The following C5AR1 variants were observed in gnomAD, a reference collection of about 807,000 sequenced individuals.
C5AR1 encodes complement C5a receptor 1.
Under a neutral mutation model 2.4 loss-of-function variants are expected in C5AR1, and 4 were observed. The ratio of observed to expected loss-of-function variants is 1.65; its 90% CI spans 0.81 to 3.77. The LOEUF (loss-of-function observed/expected upper bound fraction) is 3.77. Among genes scored for constraint, C5AR1 ranks in the 30% most tolerant of loss-of-function variants. The pLI is 0.01. For synonymous variants in C5AR1, 209 were observed against 210.4 expected (o/e 0.99, Z 0.06); for missense variants, 418 against 462.5 (o/e 0.90, Z 0.88).
rs34285755 is a variant in C5AR1, at chr19:47,321,194, TA to T, written c.*372del. On this transcript the variant is annotated 3_prime_UTR_variant, in exon 2 of 2. Transcript: ENST00000355085. ...ACAGACAAGTAGAAAGATTCTCGCT[TA>T]AAAAAAATGTATTTATTTTATGGCA... 0.99 allele frequency: 153,208 copies of T among 154,840 alleles called. 75,812 individuals are homozygous for T. The highest frequency in any genetic ancestry group is 1 in the East Asian group (5,210 of 5,210). The allele number at this position is 154,840 out of a possible 1,614,324, so 9.6% of individuals were successfully genotyped here.
At chr19:47,310,392 C>A (rs1336981365) in intron 1 of C5AR1, among the ~76,000 whole-genome samples, 1 of 151,968 alleles carries the variant, frequency 6.6e-6, no homozygotes, top group Non-Finnish European at 1.5e-5. Flanking sequence ...AAATCTAGAA[C>A]AGGCCTTCCA....
At position 47,320,073 on chromosome 19, in the gene C5AR1, A is replaced by T; in HGVS notation, c.296A>T (p.His99Leu). 2.5e-6 allele frequency: 4 copies of T among 1,614,174 alleles called. No individual in the cohort carries two copies. The highest frequency in any genetic ancestry group is 2.5e-6 in the Non-Finnish European group (3 of 1,180,036). Residue 99 changes from histidine to leucine, a missense_variant, in exon 2 of 2, where the codon CAT (histidine) becomes CTT (leucine). Coordinates refer to ENST00000355085, the MANE Select transcript of C5AR1 (RefSeq NM_001736.4). This position sits in a 1 kb window ranked among gnomAD's most constrained non-coding sequence, Gnocchi z 4.9. ...ATCTTGTTCACGTCCATTGTACAGC[A>T]TCACCACTGGCCCTTTGGCGGGGCC... ...LPILFTSIVQ[H>L]HHWPFGGAAC... is the part of the protein sequence containing the mutation.
At chr19:47,311,494 C>T (rs2059270408) in intron 1 of C5AR1, among the ~76,000 whole-genome samples, 1 of 151,034 alleles carries the variant, frequency 6.6e-6, no homozygotes, top group Admixed American at 6.6e-5. Context: ...GGCAACAGGG[C>T]CATCTCAAAA....
intron 1 of C5AR1, among the ~76,000 whole-genome samples, chr19:47,314,051 C>T (rs1287088869): frequency 2.0e-5 from 3 of 152,172 alleles, no homozygotes; most frequent in Non-Finnish European, 4.4e-5. Context: ...GCGGCCAGCA[C>T]CCTTGTCTAA....
chr19:47,320,260 G>C lies in C5AR1; in HGVS notation c.483G>C (p.Trp161Cys), dbSNP rs1599732525. Reference sequence around the variant, plus strand: ...CCTGGATCGCCTGTGCCGTGGCTTGGGGTTTAGCCCTGCTGCTGACCATAC... The same window carrying C: ...CCTGGATCGCCTGTGCCGTGGCTTGCGGTTTAGCCCTGCTGCTGACCATAC... The part of the protein sequence containing the change: ...GLAWIACAVA[W>C]GLALLLTIPS... The change falls in exon 2 of 2, where the codon TGG (tryptophan) becomes TGC (cysteine). Residue 161 changes from tryptophan to cysteine, a missense_variant. By Grantham distance (215) the Trp-to-Cys change is radical. Transcript: ENST00000355085. The surrounding 1 kb of genome is among the most constrained non-coding windows in gnomAD (Gnocchi z 4.9). 6.2e-7 allele frequency: 1 copy of C among 1,613,740 alleles called. No homozygotes were observed. The highest frequency in any genetic ancestry group is 2.2e-5 in the East Asian group (1 of 44,880).
At chr19:47,312,618 G>A (rs2059274414) in intron 1 of C5AR1, among the ~76,000 whole-genome samples, 2 of 152,242 alleles carry the variant, frequency 1.3e-5, no homozygotes, top group South Asian at 2.1e-4. Flanking sequence ...TTATTAACTA[G>A]CATTTATTGA....
Position 47,321,063 on chromosome 19 carries a change from C to A in C5AR1, c.*233C>A, listed in dbSNP as rs1485786154. 1.6e-5 allele frequency: 4 copies of A among 244,980 alleles called. No homozygotes were observed. Among genetic ancestry groups the A allele is most frequent in the Non-Finnish European group, 2.1e-5 (3 of 143,862 alleles). 15.2% of individuals were successfully genotyped at this position (244,980 alleles called of 1,614,324 possible). On this transcript the variant is annotated 3_prime_UTR_variant, in exon 2 of 2. Coordinates refer to ENST00000355085, the MANE Select transcript of C5AR1 (RefSeq NM_001736.4). ...GGAGCACCCTCCCACCCCCCACCCCCCCCACACACACCATCTTTCCATCCC... is the reference window on the plus strand; with the variant it reads ...GGAGCACCCTCCCACCCCCCACCCCACCCACACACACCATCTTTCCATCCC...
rs774711155 is a variant in C5AR1, at chr19:47,320,059, G to T, written c.282G>T (p.Thr94=). 2 of 1,614,170 alleles carry T rather than the reference G, an allele frequency of 1.2e-6. No homozygotes were observed. Among genetic ancestry groups the T allele is most frequent in the African/African-American group, 1.3e-5 (1 of 75,076 alleles). ...GCCTGGCGCTGCCCATCTTGTTCAC[G>T]TCCATTGTACAGCATCACCACTGGC... ...LSCLALPILF[T]SIVQHHHWPF... is the part of the protein sequence containing the mutation. Residue 94 remains threonine, a synonymous_variant, in exon 2 of 2, where the codon ACG becomes ACT. Transcript: ENST00000355085. The surrounding 1 kb of genome is among the most constrained non-coding windows in gnomAD (Gnocchi z 4.9).
In C5AR1 at chr19:47,321,024, A is replaced by G. The variant is rs202021565; in HGVS notation, c.*194A>G. The G allele has an allele frequency of 4.9e-4, 258 of 525,266 alleles. 4 individuals carry two copies. Among genetic ancestry groups the G allele is most frequent in the Non-Finnish European group, 1.6e-4 (46 of 296,292 alleles). The allele number at this position is 525,266 out of a possible 1,614,324, so 32.5% of individuals were successfully genotyped here. On this transcript the variant is annotated 3_prime_UTR_variant, in exon 2 of 2. Coordinates refer to ENST00000355085, the MANE Select transcript of C5AR1 (RefSeq NM_001736.4). ...TCATCCTTCCTCATTTGCAAGGTGAACACTTCCTTCTAGGGAGCACCCTCC... is the reference window on the plus strand; with the variant it reads ...TCATCCTTCCTCATTTGCAAGGTGAGCACTTCCTTCTAGGGAGCACCCTCC...
chr19:47,319,958 G>A lies in C5AR1; in HGVS notation c.181G>A (p.Val61Met). 1 of 1,614,232 alleles carries A rather than the reference G, an allele frequency of 6.2e-7. No homozygotes were observed. The highest frequency in any genetic ancestry group is 8.5e-7 in the Non-Finnish European group (1 of 1,180,050). ...GVLGNALVVW[V>M]TAFEAKRTIN... The stretch of plus-strand genomic sequence containing the variant: ...GCTGGGCAATGCCCTGGTGGTCTGG[G>A]TGACGGCATTCGAGGCCAAGCGGAC... The change falls in exon 2 of 2, where the codon GTG (valine) becomes ATG (methionine). Residue 61 changes from valine to methionine, a missense_variant. Physicochemically the swap from Val to Met is conservative, Grantham distance 21. Coordinates refer to ENST00000355085, the MANE Select transcript of C5AR1 (RefSeq NM_001736.4).
chr19:47,312,644 C>A (rs763827592), intron 1 of C5AR1, among the ~76,000 whole-genome samples: 6 of 152,108 alleles, frequency 3.9e-5, no homozygotes, highest in African/African-American at 7.2e-5. Context: ...TACTGCATAC[C>A]AGGCGTTGTA....
chr19:47,320,826 T>C lies in C5AR1; in HGVS notation c.1049T>C (p.Val350Ala). 1.2e-6 allele frequency: 2 copies of C among 1,604,764 alleles called. No homozygotes were observed. Among genetic ancestry groups the C allele is most frequent in the East Asian group, 2.2e-5 (1 of 44,652 alleles). Residue 350 changes from valine (V) to alanine (A), a missense_variant, in exon 2 of 2, where the codon GTG becomes GCG. By Grantham distance (64) the Val-to-Ala change is moderately conservative. Coordinates refer to ENST00000355085, the MANE Select transcript of C5AR1 (RefSeq NM_001736.4). The surrounding 1 kb of genome is among the most constrained non-coding windows in gnomAD (Gnocchi z 4.9). ...ACTATGGCCCAGAAGACCCAGGCAGTGTAGGCGACAGCCTCATGGGCCACT... is the reference window on the plus strand; with the variant it reads ...ACTATGGCCCAGAAGACCCAGGCAGCGTAGGCGACAGCCTCATGGGCCACT... ...VDTMAQKTQA[V>A] is the part of the protein sequence containing the mutation.
upstream of C5AR1, among the ~76,000 whole-genome samples, chr19:47,308,964 AG>A (rs1299261140): frequency 6.6e-6 from 1 of 151,994 alleles, no homozygotes; most frequent in Non-Finnish European, 1.5e-5. Flanking sequence ...TAGTAGAGAC[AG>A]GGTTTCACCA....
intron 1 of C5AR1, among the ~76,000 whole-genome samples, chr19:47,311,853 A>G (rs1308415894): frequency 6.6e-6 from 1 of 151,794 alleles, no homozygotes; most frequent in Non-Finnish European, 1.5e-5. Context: ...GGTATGAGCC[A>G]CCCTACCTGG....
upstream of C5AR1, among the ~76,000 whole-genome samples, chr19:47,309,425 A>C (rs1367855379): frequency 6.6e-6 from 1 of 151,934 alleles, no homozygotes; most frequent in Non-Finnish European, 1.5e-5. Flanking sequence ...AATACAAAAA[A>C]TTAGCCGGGG....
chr19:47,308,909 G>C (rs756786058), upstream of C5AR1, among the ~76,000 whole-genome samples: 1 of 151,506 alleles, frequency 6.6e-6, no homozygotes, highest in Non-Finnish European at 1.5e-5. Context: ...CAAGTAGCTG[G>C]GATTACAGGC....
intron 1 of C5AR1, among the ~76,000 whole-genome samples, chr19:47,312,898 C>G (rs955798132): frequency 2.0e-5 from 3 of 152,054 alleles, no homozygotes; most frequent in Non-Finnish European, 4.4e-5. Context: ...TTCTTTCTTT[C>G]TTTTATCAGC....
chr19:47,318,190 A>G (rs571396052), intron 1 of C5AR1, among the ~76,000 whole-genome samples: 1 of 152,114 alleles, frequency 6.6e-6, no homozygotes, highest in South Asian at 2.1e-4. Flanking sequence ...TCTGGTTTGC[A>G]TTCCAGCCCG....
At chr19:47,314,184 G>C (rs1203677540) in intron 1 of C5AR1, among the ~76,000 whole-genome samples, 3 of 152,208 alleles carry the variant, frequency 2.0e-5, no homozygotes, top group African/African-American at 7.2e-5. Flanking sequence ...TGTGAATTTA[G>C]GAAGAATAAT....
Sources: gnomAD v4.1 joint callset for allele counts (sites outside exome capture counted in the v4.1 genomes callset) on GRCh38, gnomAD v4.1.1 for gene constraint, Gnocchi (gnomAD v3.1) non-coding constraint, MANE v1.5 for transcripts, NCBI Gene and HGNC (gene_info 2026-07-23, HGNC 2026-07-21) for gene names.